Variants in HBA2 observed in about 807,000 individuals in gnomAD.
HBA2 encodes hemoglobin subunit alpha 2.
In HBA2, 9 loss-of-function variants were observed where a neutral mutation model predicts 5.6. The observed-to-expected ratio is 1.60, with a 90% CI of 0.97 to 2.80. HBA2 has a LOEUF of 2.80. Among genes scored for constraint, HBA2 ranks in the 30% most tolerant of loss-of-function variants. HBA2 has a pLI of 0.00. For missense variants in HBA2, 86 were observed against 152.1 expected (o/e 0.57, Z 2.29); for synonymous variants, 38 against 73.4 (o/e 0.52, Z 2.47).
At chr16:173,082 C>T in intron 1 of HBA2, 43 bp from the exon 2 acceptor site, 2 of 542,968 alleles carry the variant, frequency 3.7e-6, no homozygotes, top group South Asian at 1.9e-5. Context: ...ACCGTCCTGG[C>T]CCCGGACCCA....
Position 173,385 on chromosome 16 carries a change from C to T in HBA2, c.300+56C>T, listed in dbSNP as rs1902054836. ...GAGGGGCGAGATGGCGCCTTCCTCT[C>T]AGGGCAGAGGATCACGCGGGTTGCG... is the stretch of plus-strand genomic sequence containing the variant. On this transcript the variant is annotated intron_variant, in intron 2 of 2. Coordinates refer to ENST00000251595, the MANE Select transcript of HBA2 (RefSeq NM_000517.6). 27 of 1,604,154 alleles carry T rather than the reference C, an allele frequency of 1.7e-5. 3 individuals are homozygous for T. The South Asian group carries it at 2.9e-4, about 17-fold the overall frequency.
chr16:173,033 C>G, intron 1 of HBA2, 26 bp downstream of exon 1: 1 of 479,530 alleles, frequency 2.1e-6, no homozygotes, highest in Non-Finnish European at 3.5e-6. Context: ...CTGCTCCGAC[C>G]CGGGCTCCTC....
chr16:173,427 C>A (rs753869946), intron 2 of HBA2, 45 bp from the exon 3 acceptor site: 1 of 1,604,482 alleles, frequency 6.2e-7, no homozygotes, highest in South Asian at 1.1e-5. Flanking sequence ...GTAGCGCAGG[C>A]GGCGGCTGCG....
In HBA2 at chr16:173,647, G is replaced by A. The variant is rs4021971; in HGVS notation, c.*47G>A. The A allele has an allele frequency of 8.1e-6, 13 of 1,605,568 alleles. 1 individual carries two copies. The highest frequency in any genetic ancestry group is 3.3e-5 in the Admixed American group (2 of 59,740). On this transcript the variant is annotated 3_prime_UTR_variant, in exon 3 of 3. Coordinates refer to ENST00000251595, the MANE Select transcript of HBA2 (RefSeq NM_000517.6). ...CCTCCTGCCCGCTGGGCCTCCCAAC[G>A]GGCCCTCCTCCCCTCCTTGCACCGG...
intron 2 of HBA2, 62 bp from the exon 3 acceptor site, chr16:173,410 G>C (rs1267962888): frequency 1.3e-5 from 21 of 1,604,774 alleles, no homozygotes; most frequent in Non-Finnish European, 1.8e-5. Context: ...CGCGGGTTGC[G>C]GGAGGTGTAG....
chr16:173,514 C>G lies in HBA2; in HGVS notation c.343C>G (p.Pro115Ala), dbSNP rs281864887. The G allele has an allele frequency of 6.2e-7, 1 of 1,606,868 alleles. No individual in the cohort carries two copies. The change falls in exon 3 of 3, where the codon CCC (proline) becomes GCC (alanine). Residue 115 changes from proline (P) to alanine (A), a missense_variant. Coordinates refer to ENST00000251595, the MANE Select transcript of HBA2 (RefSeq NM_000517.6). ...GCTGGTGACCCTGGCCGCCCACCTC[C>G]CCGCCGAGTTCACCCCTGCGGTGCA... ...CLLVTLAAHL[P>A]AEFTPAVHAS...
At position 173,421 on chromosome 16, in the gene HBA2, C is replaced by T. The variant is rs763924493; in HGVS notation, c.301-51C>T. On this transcript the variant is annotated intron_variant, in intron 2 of 2. Coordinates refer to ENST00000251595, the MANE Select transcript of HBA2 (RefSeq NM_000517.6). ...ATCACGCGGGTTGCGGGAGGTGTAG[C>T]GCAGGCGGCGGCTGCGGGCCTGGGC... 2.5e-6 allele frequency: 4 copies of T among 1,604,636 alleles called. No homozygotes were observed. The Admixed American group carries it at 5.0e-5, about 20-fold the overall frequency.
Position 173,337 on chromosome 16 carries a change from G to A in HBA2, c.300+8G>A, listed in dbSNP as rs772453925. 3.4e-5 allele frequency: 54 copies of A among 1,588,462 alleles called. 1 individual carries two copies. In the Admixed American group the frequency reaches 8.1e-4, roughly 24 times the overall value. On this transcript the variant is annotated splice_region_variant and intron_variant, in intron 2 of 2. Coordinates refer to ENST00000251595, the MANE Select transcript of HBA2 (RefSeq NM_000517.6). ...GACCCGGTCAACTTCAAGGTGAGCG[G>A]CGGGCCGGGAGCGATCTGGGTCGAG...
In HBA2 at chr16:173,311, G is replaced by C. The variant is rs756374497; in HGVS notation, c.282G>C (p.Val94=). The change falls in exon 2 of 3, where the codon GTG becomes GTC. Residue 94 remains valine, a synonymous_variant. Transcript: ENST00000251595. ...ACCTGCACGCGCACAAGCTTCGGGT[G>C]GACCCGGTCAACTTCAAGGTGAGCG... ...LSDLHAHKLR[V]DPVNFKLLSH... The C allele has an allele frequency of 3.3e-6, 5 of 1,538,156 alleles. 1 individual carries two copies. In the South Asian group the frequency reaches 5.9e-5, roughly 18 times the overall value.
rs397842749 is a variant in HBA2, at chr16:173,672, G to T, written c.*72G>T. 1 of 1,582,872 alleles carries T rather than the reference G, an allele frequency of 6.3e-7. No homozygotes were observed. The highest frequency in any genetic ancestry group is 8.6e-7 in the Non-Finnish European group (1 of 1,162,624). On this transcript the variant is annotated 3_prime_UTR_variant, in exon 3 of 3. Coordinates refer to ENST00000251595, the MANE Select transcript of HBA2 (RefSeq NM_000517.6). ...GGGCCCTCCTCCCCTCCTTGCACCG[G>T]CCCTTCCTGGTCTTTGAATAAAGTC...
intron 2 of HBA2, 61 bp from the exon 3 acceptor site, chr16:173,411 G>C: frequency 6.2e-7 from 1 of 1,604,960 alleles, no homozygotes; most frequent in Non-Finnish European, 8.5e-7. Context: ...GCGGGTTGCG[G>C]GAGGTGTAGC....
At position 173,509 on chromosome 16, in the gene HBA2, A is replaced by T; in HGVS notation, c.338A>T (p.His113Leu). 6.2e-7 allele frequency: 1 copy of T among 1,604,860 alleles called. No homozygotes were observed. The highest frequency in any genetic ancestry group is 8.5e-7 in the Non-Finnish European group (1 of 1,179,340). Residue 113 changes from histidine to leucine, a missense_variant, in exon 3 of 3, where the codon CAC (histidine) becomes CTC (leucine). By Grantham distance (99) the His-to-Leu change is moderately conservative (BLOSUM62 -3). Around this residue, in one of 3 missense-constraint regions of HBA2, gnomAD observed 44 missense variants for 54.8 expected, o/e 0.80. Transcript: ENST00000251595. Reference protein sequence around the residue: ...SHCLLVTLAAHLPAEFTPAVH... With the variant: ...SHCLLVTLAALLPAEFTPAVH... ...TGCCTGCTGGTGACCCTGGCCGCCC[A>T]CCTCCCCGCCGAGTTCACCCCTGCG... is the stretch of plus-strand genomic sequence containing the variant.
Position 173,132 on chromosome 16 carries a change from C to T in HBA2, c.103C>T (p.Leu35=), listed in dbSNP as rs530720973. Residue 35 remains leucine, a synonymous_variant, in exon 2 of 3, where the codon CTG becomes TTG. Coordinates refer to ENST00000251595, the MANE Select transcript of HBA2 (RefSeq NM_000517.6). ...YGAEALERMF[L]SFPTTKTYFP... ...CTCTGCTTCTCCCCGCAGGATGTTC[C>T]TGTCCTTCCCCACCACCAAGACCTA... 2.9e-6 allele frequency: 2 copies of T among 692,518 alleles called. No homozygotes were observed. The highest frequency in any genetic ancestry group is 4.6e-6 in the Non-Finnish European group (2 of 430,298). The allele number at this position is 692,518 out of a possible 1,614,324, so 42.9% of individuals were successfully genotyped here.
In HBA2 at chr16:173,684, C is replaced by A; in HGVS notation, c.*84C>A. ...CCTCCTTGCACCGGCCCTTCCTGGTCTTTGAATAAAGTCTGAGTGGGCAGC... is the reference window on the plus strand; with the variant it reads ...CCTCCTTGCACCGGCCCTTCCTGGTATTTGAATAAAGTCTGAGTGGGCAGC... On this transcript the variant is annotated 3_prime_UTR_variant, in exon 3 of 3. Transcript: ENST00000251595. The A allele has an allele frequency of 6.4e-7, 1 of 1,565,376 alleles. No individual in the cohort carries two copies. Among genetic ancestry groups the A allele is most frequent in the Non-Finnish European group, 8.7e-7 (1 of 1,149,610 alleles).
In HBA2 at chr16:173,302, G is replaced by T. The variant is rs281860615; in HGVS notation, c.273G>T (p.Lys91Asn). 7.8e-6 allele frequency: 12 copies of T among 1,540,354 alleles called. No individual in the cohort carries two copies. Among genetic ancestry groups the T allele is most frequent in the Non-Finnish European group, 1.0e-5 (12 of 1,149,320 alleles). Residue 91 changes from lysine to asparagine, a missense_variant, in exon 2 of 3, where the codon AAG (lysine) becomes AAT (asparagine). Coordinates refer to ENST00000251595, the MANE Select transcript of HBA2 (RefSeq NM_000517.6). Reference protein sequence around the residue: ...LSALSDLHAHKLRVDPVNFKL... With the variant: ...LSALSDLHAHNLRVDPVNFKL... Reference sequence around the variant, plus strand: ...CCCTGAGCGACCTGCACGCGCACAAGCTTCGGGTGGACCCGGTCAACTTCA... The same window carrying T: ...CCCTGAGCGACCTGCACGCGCACAATCTTCGGGTGGACCCGGTCAACTTCA...
rs1902050822 is a variant in HBA2, at chr16:173,290, G to A, written c.261G>A (p.Leu87=). Residue 87 remains leucine (L), a synonymous_variant, in exon 2 of 3, where the codon CTG becomes CTA. Coordinates refer to ENST00000251595, the MANE Select transcript of HBA2 (RefSeq NM_000517.6). ...MPNALSALSD[L]HAHKLRVDPV... ...ACGCGCTGTCCGCCCTGAGCGACCT[G>A]CACGCGCACAAGCTTCGGGTGGACC... is the stretch of plus-strand genomic sequence containing the variant. 1 of 1,535,142 alleles carries A rather than the reference G, an allele frequency of 6.5e-7. No homozygotes were observed. Among genetic ancestry groups the A allele is most frequent in the Non-Finnish European group, 8.7e-7 (1 of 1,147,744 alleles).
chr16:173,288 C>G lies in HBA2; in HGVS notation c.259C>G (p.Leu87Val), dbSNP rs281864557. The change falls in exon 2 of 3, where the codon CTG becomes GTG. Residue 87 changes from leucine (L) to valine (V), a missense_variant. Coordinates refer to ENST00000251595, the MANE Select transcript of HBA2 (RefSeq NM_000517.6). ...MPNALSALSD[L>V]HAHKLRVDPV... The stretch of plus-strand genomic sequence containing the variant: ...CAACGCGCTGTCCGCCCTGAGCGAC[C>G]TGCACGCGCACAAGCTTCGGGTGGA... 1.3e-6 allele frequency: 2 copies of G among 1,532,908 alleles called. No individual in the cohort carries two copies. The highest frequency in any genetic ancestry group is 1.7e-6 in the Non-Finnish European group (2 of 1,146,386). The allele number at this position is 1,532,908 out of a possible 1,614,324, so 95.0% of individuals were successfully genotyped here. A position where few individuals can be genotyped will look rare whatever the true frequency, so the allele number is the denominator to read the frequency against.
chr16:173,695 G>A lies in HBA2; in HGVS notation c.*95G>A. On this transcript the variant is annotated 3_prime_UTR_variant, in exon 3 of 3. Transcript: ENST00000251595. The stretch of plus-strand genomic sequence containing the variant: ...CGGCCCTTCCTGGTCTTTGAATAAA[G>A]TCTGAGTGGGCAGCAGCCTGTGTGT... The A allele has an allele frequency of 6.6e-7, 1 of 1,525,234 alleles. No homozygotes were observed. Among genetic ancestry groups the A allele is most frequent in the East Asian group, 2.3e-5 (1 of 43,222 alleles). The allele number at this position is 1,525,234 out of a possible 1,614,324, so 94.5% of individuals were successfully genotyped here.
chr16:173,566 C>G lies in HBA2; in HGVS notation c.395C>G (p.Ser132Cys), dbSNP rs761783897. Residue 132 changes from serine to cysteine, a missense_variant, in exon 3 of 3, where the codon TCT (serine) becomes TGT (cysteine). Ser to Cys is a moderately radical substitution (Grantham distance 112, BLOSUM62 -1). This residue lies in a region of HBA2 where 44 missense variants were observed against 54.8 expected (regional missense o/e 0.80). Transcript: ENST00000251595. ...GCCTCCCTGGACAAGTTCCTGGCTT[C>G]TGTGAGCACCGTGCTGACCTCCAAA... ...VHASLDKFLA[S>C]VSTVLTSKYR 1.2e-6 allele frequency: 2 copies of G among 1,608,282 alleles called. No homozygotes were observed. The highest frequency in any genetic ancestry group is 1.7e-6 in the Non-Finnish European group (2 of 1,179,916).
Sources: gnomAD v4.1 joint callset for allele counts on GRCh38, gnomAD v4.1.1 for gene constraint, gnomAD v4.1.1 regional missense constraint, MANE v1.5 for transcripts, NCBI Gene and HGNC (gene_info 2026-07-23, HGNC 2026-07-21) for gene names.